Variants in TIAM1 observed in about 807,000 individuals in gnomAD.
TIAM1 encodes rho guanine nucleotide exchange factor TIAM1.
In TIAM1, 65 loss-of-function variants were observed where a neutral mutation model predicts 163.5. That is an observed-to-expected ratio of 0.40 (90% CI 0.33 to 0.49). The LOEUF (loss-of-function observed/expected upper bound fraction) is 0.49. TIAM1 is among the 20% of genes least tolerant of loss of function. TIAM1 has a pLI of 0.77. For missense variants in TIAM1, 1,789 were observed against 2,044.7 expected (o/e 0.87, Z 2.41); for synonymous variants, 833 against 810.1 (o/e 1.03, Z -0.48).
chr21:31,276,580 G>A (rs377376590), intron 3 of TIAM1, among the ~76,000 whole-genome samples, 152 bp downstream of exon 3: 1 of 152,204 alleles, frequency 6.6e-6, no homozygotes, highest in Non-Finnish European at 1.5e-5. Flanking sequence ...TGTCAGATAG[G>A]TGTAACCCTA....
At chr21:31,301,240 A>G (rs2074486568) in intron 2 of TIAM1, among the ~76,000 whole-genome samples, 1 of 152,218 alleles carries the variant, frequency 6.6e-6, no homozygotes, top group African/African-American at 2.4e-5. Context: ...CAAGGCCAGG[A>G]AGCCAGTGGC....
At chr21:31,242,579 C>A (rs536719752) in intron 6 of TIAM1, among the ~76,000 whole-genome samples, 101 of 152,240 alleles carry the variant, frequency 6.6e-4, no homozygotes, top group South Asian at 3.1e-3. Context: ...AACTTGCAAA[C>A]TTCTGTTCTT....
chr21:31,179,652 C>T lies in TIAM1; in HGVS notation c.2887+2769G>A, dbSNP rs561449452. The stretch of plus-strand genomic sequence containing the variant: ...TTAGCGCACAGCCTCCAAAGGTGAG[C>T]GGTCTGAAGGAGGTAACGTGGTCAG... On this transcript the variant is annotated intron_variant, in intron 15 of 27. Coordinates refer to ENST00000541036, the MANE Select transcript of TIAM1 (RefSeq NM_001353694.2). Among the ~76,000 whole-genome samples, 5 of 151,812 alleles carry T rather than the reference C, an allele frequency of 3.3e-5. No homozygotes were observed. In the South Asian group the frequency reaches 6.2e-4, roughly 19 times the overall value.
intron 2 of TIAM1, among the ~76,000 whole-genome samples, chr21:31,385,364 A>G (rs1471007538): frequency 1.3e-5 from 2 of 152,214 alleles, no homozygotes; most frequent in Non-Finnish European, 2.9e-5. Context: ...ACTATTATCA[A>G]CCATCATAAA....
chr21:31,508,512 C>G (rs1479246927), intron 1 of TIAM1, among the ~76,000 whole-genome samples: 1 of 151,872 alleles, frequency 6.6e-6, no homozygotes, highest in Non-Finnish European at 1.5e-5. Context: ...CCTCAGCCTC[C>G]TAAGTAGCTG....
At chr21:31,539,390 C>A (rs1236955500) in intron 1 of TIAM1, among the ~76,000 whole-genome samples, 4 of 150,806 alleles carry the variant, frequency 2.7e-5, no homozygotes, top group African/African-American at 7.4e-5. Flanking sequence ...CTCAGCCTCC[C>A]GAGTAGCTGG....
intron 8 of TIAM1, among the ~76,000 whole-genome samples, chr21:31,220,606 C>T (rs776905131): frequency 3.9e-5 from 6 of 152,226 alleles, no homozygotes; most frequent in Non-Finnish European, 5.9e-5. Context: ...TATCAGCTGA[C>T]TAGTTAGTTT....
intron 1 of TIAM1, among the ~76,000 whole-genome samples, chr21:31,505,780 G>A (rs983113593): frequency 3.3e-5 from 5 of 152,028 alleles, no homozygotes; most frequent in Admixed American, 1.3e-4. Flanking sequence ...TGAAGCGGGC[G>A]GATCACCTGA....
At chr21:31,169,725 T>C (rs2084414797) in intron 15 of TIAM1, among the ~76,000 whole-genome samples, 1 of 151,820 alleles carries the variant, frequency 6.6e-6, no homozygotes, top group Non-Finnish European at 1.5e-5. Flanking sequence ...TAAGTCTTAG[T>C]ATATATGACA....
intron 25 of TIAM1, among the ~76,000 whole-genome samples, chr21:31,129,688 T>C (rs540501983): frequency 6.6e-6 from 1 of 152,178 alleles, no homozygotes; most frequent in Admixed American, 6.5e-5. Context: ...AAAATCAATG[T>C]AAAAAAGAAT....
intron 19 of TIAM1, among the ~76,000 whole-genome samples, chr21:31,151,457 C>T (rs1003485348): frequency 3.3e-5 from 5 of 152,020 alleles, no homozygotes; most frequent in Non-Finnish European, 5.9e-5. Context: ...GGAAGCAGCC[C>T]CAGAAAAACG....
intron 2 of TIAM1, among the ~76,000 whole-genome samples, chr21:31,322,097 G>C (rs1277796314): frequency 6.6e-6 from 1 of 152,042 alleles, no homozygotes; most frequent in Non-Finnish European, 1.5e-5. Flanking sequence ...TAAAAATCTA[G>C]AAAGAAATCA....
intron 15 of TIAM1, among the ~76,000 whole-genome samples, chr21:31,169,021 G>A (rs1015849325): frequency 1.3e-5 from 2 of 152,132 alleles, no homozygotes; most frequent in Non-Finnish European, 2.9e-5. Context: ...GGCTGAACAC[G>A]GTGGCTCATG....
intron 2 of TIAM1, among the ~76,000 whole-genome samples, chr21:31,430,220 AAAAAAATATAT>A (rs1419484739): frequency 9.0e-6 from 1 of 111,348 alleles, no homozygotes. Context: ...GAAAAAAAAA[AAAAAAATATAT>A]ATATATATAT....
intron 19 of TIAM1, among the ~76,000 whole-genome samples, chr21:31,147,620 G>T (rs1047928359): frequency 1.4e-5 from 2 of 147,984 alleles, no homozygotes; most frequent in African/African-American, 5.0e-5. Context: ...AAGATACTTT[G>T]TATCCCACAC....
Position 31,245,423 on chromosome 21 carries a change from G to A in TIAM1, c.1584+65C>T, listed in dbSNP as rs1601686978. On this transcript the variant is annotated intron_variant, in intron 6 of 27. Coordinates refer to ENST00000541036, the MANE Select transcript of TIAM1 (RefSeq NM_001353694.2). ...GCAGTGGAGGGAGACTGGGTGCCTA[G>A]GCAAGAAAAGAAGGTAGCCAGTTCA... The A allele has an allele frequency of 4.1e-6, 5 of 1,206,928 alleles. No individual in the cohort carries two copies. In the East Asian group the frequency reaches 1.2e-4, roughly 28 times the overall value. The allele number at this position is 1,206,928 out of a possible 1,614,324, so 74.8% of individuals were successfully genotyped here.
At chr21:31,544,152 G>A (rs553547155) in intron 1 of TIAM1, among the ~76,000 whole-genome samples, 1 of 152,126 alleles carries the variant, frequency 6.6e-6, no homozygotes, top group African/African-American at 2.4e-5. Flanking sequence ...GGAGGTTGCA[G>A]TGCCAAGATC....
At chr21:31,501,337 G>A (rs1041329691) in intron 1 of TIAM1, among the ~76,000 whole-genome samples, 2 of 152,086 alleles carry the variant, frequency 1.3e-5, no homozygotes, top group African/African-American at 2.4e-5. Flanking sequence ...TTTTAAAAAC[G>A]GAATGGGCTC....
intron 1 of TIAM1, among the ~76,000 whole-genome samples, chr21:31,477,479 T>TC (rs1319728517): frequency 1.3e-5 from 2 of 149,246 alleles, no homozygotes; most frequent in East Asian, 3.9e-4. Context: ...AATGCATTTT[T>TC]TTTTTTTTTT....
Sources: gnomAD v4.1 joint callset for allele counts (sites outside exome capture counted in the v4.1 genomes callset) on GRCh38, gnomAD v4.1.1 for gene constraint, MANE v1.5 for transcripts, NCBI Gene and HGNC (gene_info 2026-07-23, HGNC 2026-07-21) for gene names.